CNIH3: variants seen among roughly 807,000 people sequenced by gnomAD.
The protein encoded by CNIH3 is protein cornichon homolog 3.
In CNIH3, 14 loss-of-function variants were observed where a neutral mutation model predicts 24.1. That is an observed-to-expected ratio of 0.58 (90% CI 0.38 to 0.91). The LOEUF (loss-of-function observed/expected upper bound fraction) is 0.91. CNIH3 is among the 40% of genes least tolerant of loss of function. The probability of loss-of-function intolerance (pLI) is 0.00; values close to 1 mark genes in which losing one functional copy is unlikely to be tolerated. For missense variants in CNIH3, 178 were observed against 196.8 expected, an observed-to-expected ratio of 0.90 and a Z score of 0.57; for synonymous variants, 68 against 73.8, an observed-to-expected ratio of 0.92 and a Z score of 0.40.
intron 2 of CNIH3, among the ~76,000 whole-genome samples, chr1:224,534,844 G>A (rs1254548469): frequency 6.6e-6 from 1 of 152,140 alleles, no homozygotes; most frequent in Non-Finnish European, 1.5e-5. Context: ...CAATGAACAA[G>A]TCCCGGAGGT....
chr1:224,569,485 G>A (rs959046276), intron 4 of CNIH3, among the ~76,000 whole-genome samples: 1 of 152,120 alleles, frequency 6.6e-6, no homozygotes, highest in African/African-American at 2.4e-5. Flanking sequence ...AGACTTTTTC[G>A]ATCATTCTTG....
intron 3 of CNIH3, among the ~76,000 whole-genome samples, chr1:224,728,456 C>T (rs1689153088): frequency 6.6e-6 from 1 of 152,168 alleles, no homozygotes; most frequent in African/African-American, 2.4e-5. Flanking sequence ...CACCAAGGGT[C>T]ACCACCTCTG....
intron 3 of CNIH3, among the ~76,000 whole-genome samples, chr1:224,718,413 G>A (rs1194779964): frequency 1.3e-5 from 2 of 152,208 alleles, no homozygotes; most frequent in Non-Finnish European, 2.9e-5. Flanking sequence ...GCAGGGGAGT[G>A]AGTGGCGGGT....
chr1:224,673,900 C>G (rs1199016286), intron 1 of CNIH3, among the ~76,000 whole-genome samples: 1 of 152,144 alleles, frequency 6.6e-6, no homozygotes, highest in Non-Finnish European at 1.5e-5. Flanking sequence ...GGAGCACTAA[C>G]CAGTCAAAGA....
At chr1:224,453,077 C>T (rs1009045690) in intron 1 of CNIH3, among the ~76,000 whole-genome samples, 53 of 151,462 alleles carry the variant, frequency 3.5e-4, no homozygotes, top group Non-Finnish European at 5.9e-5. Flanking sequence ...GCTGAGATCA[C>T]GCCATTGCAC....
intron 4 of CNIH3, among the ~76,000 whole-genome samples, chr1:224,579,841 G>A (rs1681197588): frequency 6.6e-6 from 1 of 152,196 alleles, no homozygotes; most frequent in Non-Finnish European, 1.5e-5. Flanking sequence ...ATTGGAGACA[G>A]CCTGAGGCTC....
downstream of CNIH3, chr1:224,537,198 G>C (rs1024622739): frequency 6.6e-6 from 1 of 152,086 alleles, no homozygotes; most frequent in Non-Finnish European, 1.5e-5. Flanking sequence ...ACCCTGAAAC[G>C]GTTCTGTTGA....
At chr1:224,563,218 C>A (rs112683484) in intron 3 of CNIH3, among the ~76,000 whole-genome samples, 12,469 of 151,382 alleles carry the variant, frequency 0.082, 1,550 homozygotes, top group African/African-American at 0.28. Flanking sequence ...AAGCCAAATA[C>A]ACCTCTTCTT....
intron 1 of CNIH3, among the ~76,000 whole-genome samples, chr1:224,444,706 G>T (rs888994909): frequency 6.6e-6 from 1 of 151,140 alleles, no homozygotes; most frequent in Non-Finnish European, 1.5e-5. Context: ...GTGCAGTAGC[G>T]CGATCTCGGC....
In CNIH3 at chr1:224,474,210, C is replaced by A. The variant is rs189409663; in HGVS notation, n.203+39348C>A. ...AGAAACCCCGTCTCTACTAAAAATA[C>A]AAAATTAGCTGGGCATGGTGGTGCA... On this transcript the variant is annotated intron_variant and non_coding_transcript_variant, in intron 1 of 5. Coordinates refer to the CNIH3 transcript ENST00000471578. Among the ~76,000 whole-genome samples the A allele has an allele frequency of 2.6e-5, 4 of 151,878 alleles. No individual in the cohort carries two copies. In the South Asian group the frequency reaches 6.2e-4, roughly 24 times the overall value.
intron 3 of CNIH3, among the ~76,000 whole-genome samples, chr1:224,598,390 G>T (rs1031067186): frequency 2.0e-5 from 3 of 152,174 alleles, no homozygotes; most frequent in South Asian, 2.1e-4. Context: ...ATCTACTCCT[G>T]GTGAAGATGC....
At chr1:224,654,423 C>T (rs915624968) in intron 1 of CNIH3, among the ~76,000 whole-genome samples, 1 of 152,126 alleles carries the variant, frequency 6.6e-6, no homozygotes, top group African/African-American at 2.4e-5. Flanking sequence ...TTTGAATAGC[C>T]CAGATGCATG....
At chr1:224,643,531 T>C (rs1294325157) in intron 1 of CNIH3, among the ~76,000 whole-genome samples, 2 of 152,146 alleles carry the variant, frequency 1.3e-5, no homozygotes, top group African/African-American at 4.8e-5. Context: ...GTGGGTCTGG[T>C]GTGTGAGGAG....
intron 3 of CNIH3, among the ~76,000 whole-genome samples, chr1:224,598,323 A>G (rs1682072610): frequency 1.3e-5 from 2 of 152,182 alleles, no homozygotes; most frequent in Non-Finnish European, 2.9e-5. Context: ...ATCAAATGTG[A>G]ATGTTTGAGG....
At chr1:224,510,346 C>T (rs535980259) in intron 1 of CNIH3, among the ~76,000 whole-genome samples, 2 of 152,138 alleles carry the variant, frequency 1.3e-5, no homozygotes, top group East Asian at 1.9e-4. Context: ...CCGTGGTCAG[C>T]GTTGTGTTTT....
chr1:224,723,326 C>T (rs12090331), intron 3 of CNIH3, among the ~76,000 whole-genome samples: 5,396 of 146,860 alleles, frequency 0.037, 322 homozygotes, highest in African/African-American at 0.14. Flanking sequence ...TGGTTTTGAC[C>T]CCCCTTCTCT....
chr1:224,617,964 T>C (rs1018260294), intron 1 of CNIH3, among the ~76,000 whole-genome samples: 2 of 152,168 alleles, frequency 1.3e-5, no homozygotes, highest in African/African-American at 4.8e-5. Flanking sequence ...CCCCTGCAGG[T>C]GGCGAACCTC....
At chr1:224,723,589 C>T (rs1053787673) in intron 3 of CNIH3, among the ~76,000 whole-genome samples, 1 of 152,232 alleles carries the variant, frequency 6.6e-6, no homozygotes, top group African/African-American at 2.4e-5. Flanking sequence ...GACCACTGGG[C>T]CTCCCCAGGC....
chr1:224,516,312 CAAAAAAAAA>C lies in CNIH3; in HGVS notation n.15+457_15+465del, dbSNP rs71574505. On this transcript the variant is annotated intron_variant and non_coding_transcript_variant, in intron 1 of 2. Coordinates refer to the CNIH3 transcript ENST00000470602. ...CTGGCGACAAACCGAGACTCTGTCT[CAAAAAAAAA>C]AAAAAAAAAAAAAAAAAAAATCCAT... is the stretch of plus-strand genomic sequence containing the variant. 3.7e-3 allele frequency among the ~76,000 whole-genome samples: 250 copies of C among 67,744 alleles called. 3 individuals are homozygous for C. In the East Asian group the frequency reaches 0.042, roughly 11 times the overall value. 44.4% of individuals were successfully genotyped at this position (67,744 alleles called of 152,430 possible). A position where few individuals can be genotyped will look rare whatever the true frequency, so the allele number is the denominator to read the frequency against.
Sources: allele counts gnomAD v4.1 joint callset (sites outside exome capture counted in the v4.1 genomes callset), GRCh38; gene constraint gnomAD v4.1.1; transcripts MANE v1.5; gene names NCBI Gene and HGNC (gene_info 2026-07-23, HGNC 2026-07-21).